Variants in RIGI observed in about 807,000 individuals in gnomAD.
RIGI encodes antiviral innate immune response receptor RIG-I.
At chr9:32,524,596 GTTTTTTTTTTT>G in the RIGI span, among the ~76,000 whole-genome samples, 943 of 67,580 alleles carry the variant, frequency 0.014, 17 homozygotes, top group Non-Finnish European at 0.019. Flanking sequence ...TTGTTTTTCG[GTTTTTTTTTTT>G]TTTTTTTTTT....
At chr9:32,499,399 G>A in the RIGI span, among the ~76,000 whole-genome samples, 2 of 130,722 alleles carry the variant, frequency 1.5e-5, no homozygotes, top group African/African-American at 2.9e-5. Flanking sequence ...TTATTTATTC[G>A]TACCCACATG....
chr9:32,460,803 C>T, the RIGI span, among the ~76,000 whole-genome samples: 17 of 151,962 alleles, frequency 1.1e-4, no homozygotes, highest in Admixed American at 3.9e-4. Context: ...CTCAAGGACC[C>T]GTAGGACTAT....
At chr9:32,485,181 C>A in the RIGI span, 1 of 1,597,330 alleles carries the variant, frequency 6.3e-7, no homozygotes, top group East Asian at 2.2e-5. Flanking sequence ...TCACCGAGGT[C>A]TTTGCAGATT....
chr9:32,466,684 C>A, the RIGI span, among the ~76,000 whole-genome samples: 2 of 83,202 alleles, frequency 2.4e-5, no homozygotes, highest in East Asian at 4.2e-4. Flanking sequence ...AGAGCAAGAC[C>A]TATCTCAAAA....
At chr9:32,486,326 G>A in the RIGI span, among the ~76,000 whole-genome samples, 2 of 151,832 alleles carry the variant, frequency 1.3e-5, no homozygotes, top group African/African-American at 4.8e-5. Context: ...GATGGCACAC[G>A]CTTGTAATTC....
At chr9:32,478,009 G>A in the RIGI span, among the ~76,000 whole-genome samples, 7 of 152,240 alleles carry the variant, frequency 4.6e-5, no homozygotes, top group African/African-American at 1.7e-4. Context: ...ATGGGACTAT[G>A]GGAGTCAACT....
chr9:32,463,889 C>CTTTTTTTTTTTTTTATACTCT, the RIGI span, among the ~76,000 whole-genome samples: 3 of 135,806 alleles, frequency 2.2e-5, 1 homozygote, highest in Non-Finnish European at 4.8e-5. Flanking sequence ...ATTCTGATTT[C>CTTTTTTTTTTTTTTATACTCT]AAATAAACCT....
chr9:32,526,041 G>T, the RIGI span: 2 of 1,582,252 alleles, frequency 1.3e-6, no homozygotes, highest in Non-Finnish European at 1.7e-6. Context: ...CGCCGAGAAG[G>T]CGCCGCTGGA....
chr9:32,457,472 T>C, the RIGI span: 14 of 1,336,040 alleles, frequency 1.0e-5, no homozygotes, highest in African/African-American at 2.2e-4. Context: ...AACCAGTACA[T>C]AATTGTGATT....
At chr9:32,490,585 TATC>T in the RIGI span, among the ~76,000 whole-genome samples, 2 of 152,208 alleles carry the variant, frequency 1.3e-5, no homozygotes, top group African/African-American at 2.4e-5. Context: ...GTTATTCTAA[TATC>T]ATTTTTCTTC....
the RIGI span, among the ~76,000 whole-genome samples, chr9:32,479,140 G>C: frequency 6.6e-6 from 1 of 152,070 alleles, no homozygotes. Flanking sequence ...GCAACCCTTG[G>C]TTGGCCATGG....
chr9:32,484,173 G>A, the RIGI span, among the ~76,000 whole-genome samples: 18 of 152,174 alleles, frequency 1.2e-4, no homozygotes, highest in Admixed American at 3.3e-4. Context: ...GAGGCGTGAA[G>A]ATTATCCTGT....
the RIGI span, among the ~76,000 whole-genome samples, chr9:32,502,708 C>T: frequency 6.6e-6 from 1 of 152,192 alleles, no homozygotes. Context: ...CCTTGCCCTT[C>T]CGGTTTCTGG....
the RIGI span, chr9:32,488,704 A>G: frequency 5.3e-6 from 8 of 1,496,640 alleles, no homozygotes; most frequent in Admixed American, 6.8e-5. Context: ...AAGCTGGAGA[A>G]AAAGAAGTTG....
At chr9:32,489,355 C>A in the RIGI span, 1 of 1,610,122 alleles carries the variant, frequency 6.2e-7, no homozygotes, top group African/African-American at 1.3e-5. Context: ...TGTAGGAGCA[C>A]ATATTATTGT....
the RIGI span, among the ~76,000 whole-genome samples, chr9:32,509,940 T>C: frequency 1.3e-5 from 2 of 151,686 alleles, no homozygotes; most frequent in Non-Finnish European, 2.9e-5. Flanking sequence ...TTGTGAAGCA[T>C]ACACAACTAT....
At chr9:32,477,084 T>A in the RIGI span, 1 of 1,614,114 alleles carries the variant, frequency 6.2e-7, no homozygotes, top group Admixed American at 1.7e-5. Flanking sequence ...AGTTTAGGAT[T>A]CTCATTGCTG....
the RIGI span, among the ~76,000 whole-genome samples, chr9:32,464,387 C>A: frequency 6.6e-6 from 1 of 151,930 alleles, no homozygotes; most frequent in Non-Finnish European, 1.5e-5. Context: ...TTTTACTAAG[C>A]CTTTTTTTGT....
the RIGI span, among the ~76,000 whole-genome samples, chr9:32,481,167 G>A: frequency 4.6e-5 from 7 of 152,264 alleles, no homozygotes; most frequent in Middle Eastern, 3.4e-3. Context: ...AAAGGAAATC[G>A]AGATGATGTT....
Sources: allele counts gnomAD v4.1 joint callset (sites outside exome capture counted in the v4.1 genomes callset), GRCh38; gene constraint gnomAD v4.1.1; transcripts MANE v1.5; gene names NCBI Gene and HGNC (gene_info 2026-07-23, HGNC 2026-07-21).